The following SEMA4D variants were observed in gnomAD, a reference collection of about 807,000 sequenced individuals.
SEMA4D encodes semaphorin-4D.
SEMA4D carries 22 observed loss-of-function variants against 74.8 expected under a neutral mutation model. The observed-to-expected ratio is 0.29, with a 90% CI of 0.21 to 0.42. The LOEUF is 0.42. Ranked by LOEUF, SEMA4D falls within the 10% of genes least tolerant of loss-of-function variation. The pLI is 1.00. For synonymous variants in SEMA4D, 445 were observed against 463.7 expected (o/e 0.96, Z 0.52); for missense variants, 937 against 1,118.4 (o/e 0.84, Z 2.31).
At chr9:89,406,344 C>T (rs1186008317) in intron 2 of SEMA4D, among the ~76,000 whole-genome samples, 1 of 152,212 alleles carries the variant, frequency 6.6e-6, no homozygotes, top group Non-Finnish European at 1.5e-5. Flanking sequence ...GAAGTCTGTG[C>T]ACCATAGAAA....
intron 1 of SEMA4D, among the ~76,000 whole-genome samples, chr9:89,471,157 T>C (rs1364999940): frequency 6.6e-6 from 1 of 152,202 alleles, no homozygotes; most frequent in Admixed American, 6.5e-5. Flanking sequence ...ACTGCGTGAT[T>C]CCACTTATAG....
Position 89,387,433 on chromosome 9 carries a change from G to A in SEMA4D, c.1283C>T (p.Thr428Ile), listed in dbSNP as rs1284125645. The A allele has an allele frequency of 2.5e-6, 4 of 1,614,202 alleles. No homozygotes were observed. The highest frequency in any genetic ancestry group is 3.4e-6 in the Non-Finnish European group (4 of 1,180,042). The part of the protein sequence containing the change: ...VNYTQIVVDR[T>I]QALDGTVYDV... Reference sequence around the variant, plus strand: ...ATAGACAGTCCCATCCAGGGCCTGGGTCCGGTCCACCACGATCTGGGTGTA... The same window carrying A: ...ATAGACAGTCCCATCCAGGGCCTGGATCCGGTCCACCACGATCTGGGTGTA... The change falls in exon 12 of 16, where the codon ACC (threonine) becomes ATC (isoleucine). Residue 428 changes from threonine to isoleucine, a missense_variant. By Grantham distance (89) the Thr-to-Ile change is moderately conservative. Transcript: ENST00000422704.
Position 89,405,911 on chromosome 9 carries a change from C to T in SEMA4D, c.-243-212G>A, listed in dbSNP as rs1196330605. 6.7e-6 allele frequency: 8 copies of T among 1,192,922 alleles called. No individual in the cohort carries two copies. The East Asian group carries it at 1.1e-4, about 16-fold the overall frequency. The allele number at this position is 1,192,922 out of a possible 1,614,324, so 73.9% of individuals were successfully genotyped here. The stretch of plus-strand genomic sequence containing the variant: ...AGGGTCTTCAGGAGTCAGTGCTTCC[C>T]GCTCCTCCAGCTACCAGCCCAGAAC... On this transcript the variant is annotated intron_variant, in intron 2 of 15. Transcript: ENST00000422704.
downstream of SEMA4D, among the ~76,000 whole-genome samples, chr9:89,373,039 C>T (rs1835323852): frequency 6.6e-6 from 1 of 152,132 alleles, no homozygotes; most frequent in South Asian, 2.1e-4. Flanking sequence ...GCTCCTGACA[C>T]AGGCCCACAG....
At chr9:89,417,117 C>T (rs1357638684) in intron 2 of SEMA4D, among the ~76,000 whole-genome samples, 2 of 152,172 alleles carry the variant, frequency 1.3e-5, no homozygotes, top group South Asian at 2.1e-4. Flanking sequence ...TACCTTATAA[C>T]TAAAGATTCC....
intron 2 of SEMA4D, among the ~76,000 whole-genome samples, chr9:89,452,561 C>G (rs1177447403): frequency 6.6e-6 from 1 of 152,206 alleles, no homozygotes; most frequent in Non-Finnish European, 1.5e-5. Context: ...AAGCGATTCT[C>G]CTATCTCAGC....
chr9:89,480,301 T>C (rs1365440789), intron 1 of SEMA4D, among the ~76,000 whole-genome samples: 1 of 152,236 alleles, frequency 6.6e-6, no homozygotes, highest in Non-Finnish European at 1.5e-5. Flanking sequence ...ATCCCTGAGC[T>C]AGATATAAAG....
rs149339516 is a variant in SEMA4D at position 89,395,723 on chromosome 9, G to A, written c.414+1014C>T. Among the ~76,000 whole-genome samples, 130 of 152,270 alleles carry A rather than the reference G, an allele frequency of 8.5e-4. 2 individuals carry two copies. The East Asian group carries it at 0.016, about 19-fold the overall frequency. On this transcript the variant is annotated intron_variant, in intron 6 of 15. Coordinates refer to ENST00000422704, the MANE Select transcript of SEMA4D (RefSeq NM_001371194.2). ...CAGCATCTGTGGTACAGGCAGCTGG[G>A]TAGACCCCTACTATGAATCTCACCC...
intron 1 of SEMA4D, among the ~76,000 whole-genome samples, chr9:89,467,271 C>T (rs1462036682): frequency 6.6e-6 from 1 of 152,162 alleles, no homozygotes; most frequent in African/African-American, 2.4e-5. Context: ...CACCGTAGAA[C>T]CTGGATGACC....
rs148950885 is a variant in SEMA4D at position 89,403,115 on chromosome 9, T to C, written c.107-99A>G. The C allele has an allele frequency of 1.1e-3, 1,515 of 1,362,260 alleles. 10 individuals carry two copies. The African/African-American group carries it at 0.018, about 17-fold the overall frequency. 84.4% of individuals were successfully genotyped at this position (1,362,260 alleles called of 1,614,324 possible). The stretch of plus-strand genomic sequence containing the variant: ...TCCTAGGTCCCTGTCTCAGTGACAA[T>C]GAGCACGTCTGGGTGCAGTCATGTC... On this transcript the variant is annotated intron_variant, in intron 3 of 15. Transcript: ENST00000422704.
intron 2 of SEMA4D, among the ~76,000 whole-genome samples, chr9:89,427,120 T>C (rs1726767299): frequency 6.6e-6 from 1 of 152,258 alleles, no homozygotes; most frequent in Admixed American, 6.5e-5. Flanking sequence ...CACTCTACTC[T>C]AATGAATTAT....
rs1463966745 is a variant in SEMA4D, at chr9:89,384,618, A to T, written c.1446+1749T>A. ...AATGCCACTGACGTGCACAATGAAA[A>T]ATGGTTAAGACGGCAAATTTCATCT... On this transcript the variant is annotated intron_variant, in intron 13 of 15. Transcript: ENST00000422704. 4 of 973,802 alleles carry T rather than the reference A, an allele frequency of 4.1e-6. No homozygotes were observed. The Admixed American group carries it at 2.5e-4, about 60-fold the overall frequency. 60.3% of individuals were successfully genotyped at this position (973,802 alleles called of 1,614,324 possible).
chr9:89,413,006 T>C (rs78186123), intron 2 of SEMA4D, among the ~76,000 whole-genome samples: 2 of 152,132 alleles, frequency 1.3e-5, no homozygotes, highest in African/African-American at 2.4e-5. Context: ...AATAGTTAAA[T>C]TAAAACAAAA....
chr9:89,432,649 AAAC>A (rs1274417297), intron 2 of SEMA4D, among the ~76,000 whole-genome samples: 1 of 152,194 alleles, frequency 6.6e-6, no homozygotes, highest in Admixed American at 6.5e-5. Context: ...TAAAAAGCAA[AAAC>A]AACCTCCCAA....
intron 6 of SEMA4D, among the ~76,000 whole-genome samples, chr9:89,394,114 C>T (rs927099903): frequency 2.0e-5 from 3 of 152,188 alleles, no homozygotes; most frequent in African/African-American, 4.8e-5. Flanking sequence ...ATCTCTACGT[C>T]GCTCCACCCA....
At chr9:89,385,077 C>T in intron 13 of SEMA4D, 1 of 981,376 alleles carries the variant, frequency 1.0e-6, no homozygotes, top group Non-Finnish European at 1.2e-6. Flanking sequence ...GCGAGGCTCC[C>T]TGTGTGGCCA....
chr9:89,460,109 C>T (rs1270614575), intron 1 of SEMA4D, among the ~76,000 whole-genome samples: 8 of 152,208 alleles, frequency 5.3e-5, no homozygotes, highest in Non-Finnish European at 1.2e-4. Flanking sequence ...GCCAGTGGCA[C>T]GATGCATCCC....
At chr9:89,371,442 TGTG>T (rs1418718127) in intron 16 of SEMA4D, among the ~76,000 whole-genome samples, 5 of 77,322 alleles carry the variant, frequency 6.5e-5, no homozygotes, top group African/African-American at 1.9e-4. Context: ...GTGTGTGGGG[TGTG>T]GTGTGTGTCT....
exon 19 of SEMA4D, chr9:89,361,492 G>GC (rs1429722424): frequency 1.3e-5 from 2 of 152,234 alleles, no homozygotes; most frequent in Non-Finnish European, 2.9e-5. Context: ...ATTAAAGGCT[G>GC]AGTAGCTTTA....
Sources: allele counts gnomAD v4.1 joint callset (sites outside exome capture counted in the v4.1 genomes callset), GRCh38; gene constraint gnomAD v4.1.1; transcripts MANE v1.5; gene names NCBI Gene and HGNC (gene_info 2026-07-23, HGNC 2026-07-21).